Variants in ZMIZ1 observed in about 807,000 individuals in gnomAD.
The protein encoded by ZMIZ1 is zinc finger MIZ-type containing 1.
ZMIZ1 carries 17 observed loss-of-function variants against 113.9 expected under a neutral mutation model. The ratio of observed to expected loss-of-function variants is 0.15; its 90% CI spans 0.10 to 0.22. The LOEUF (loss-of-function observed/expected upper bound fraction) is 0.22. Among genes scored for constraint, ZMIZ1 ranks in the 10% least tolerant of loss-of-function variants. The pLI, the probability that ZMIZ1 is intolerant of heterozygous loss-of-function variation, is 1.00. For missense variants in ZMIZ1, 1,059 were observed against 1,477.8 expected, an observed-to-expected ratio of 0.72 and a Z score of 4.65; for synonymous variants, 607 against 603.1, an observed-to-expected ratio of 1.01 and a Z score of -0.09.
At chr10:79,085,093 TCCTGTGGTGGCCCCAGAGGCTGCCTGCTG>T (rs979836012) in intron 1 of ZMIZ1, among the ~76,000 whole-genome samples, 7 of 152,094 alleles carry the variant, frequency 4.6e-5, no homozygotes, top group Non-Finnish European at 1.0e-4. Context: ...GGGCCACAGG[TCCTGTGGTGGCCCCAGAGGCTGCCTGCTG>T]CCTGTGGTGG....
chr10:79,273,666 T>A (rs956668063), intron 7 of ZMIZ1, among the ~76,000 whole-genome samples: 1 of 152,258 alleles, frequency 6.6e-6, no homozygotes, highest in South Asian at 2.1e-4. Flanking sequence ...CCCCTGCTTC[T>A]TGGTTTCTGA....
intron 3 of ZMIZ1, among the ~76,000 whole-genome samples, chr10:79,147,261 C>T (rs1037304252): frequency 6.6e-6 from 1 of 152,168 alleles, no homozygotes; most frequent in African/African-American, 2.4e-5. Context: ...GACCTCCCTG[C>T]CCCAACCCAT....
chr10:79,271,750 A>G (rs751036779), intron 7 of ZMIZ1, among the ~76,000 whole-genome samples: 2 of 152,214 alleles, frequency 1.3e-5, no homozygotes, highest in African/African-American at 4.8e-5. Context: ...TGCAAGTTCT[A>G]TAAGGAAAGA....
intron 1 of ZMIZ1, among the ~76,000 whole-genome samples, chr10:79,093,541 G>A (rs887479755): frequency 2.0e-5 from 3 of 152,170 alleles, no homozygotes; most frequent in African/African-American, 7.2e-5. Context: ...TGGCCAGGCT[G>A]GTCTTGAACT....
At chr10:79,076,808 G>A (rs1181754113) in intron 1 of ZMIZ1, among the ~76,000 whole-genome samples, 1 of 152,144 alleles carries the variant, frequency 6.6e-6, no homozygotes, top group Non-Finnish European at 1.5e-5. Context: ...CTGCACTCCA[G>A]CCTGGATGAC....
intron 7 of ZMIZ1, among the ~76,000 whole-genome samples, chr10:79,253,890 AC>A (rs1251102211): frequency 1.3e-5 from 2 of 152,160 alleles, no homozygotes; most frequent in Non-Finnish European, 2.9e-5. Flanking sequence ...ACACACACAC[AC>A]ATGCTGACAC....
At chr10:79,149,606 G>T (rs535571611) in intron 3 of ZMIZ1, among the ~76,000 whole-genome samples, 1 of 152,316 alleles carries the variant, frequency 6.6e-6, no homozygotes, top group Admixed American at 6.5e-5. Context: ...AAGTCAGGGT[G>T]GGGTGAAGGG....
At chr10:79,199,424 T>C (rs1336441978) in intron 4 of ZMIZ1, among the ~76,000 whole-genome samples, 2 of 151,968 alleles carry the variant, frequency 1.3e-5, no homozygotes, top group Non-Finnish European at 2.9e-5. Flanking sequence ...GAGAATCGCT[T>C]GAACCTGGGA....
chr10:79,122,179 C>T (rs1037714776), intron 2 of ZMIZ1, among the ~76,000 whole-genome samples: 5 of 152,100 alleles, frequency 3.3e-5, no homozygotes, highest in African/African-American at 1.2e-4. Context: ...ACTTACCAGG[C>T]CCACGACCTT....
At chr10:79,201,443 G>C (rs975931664) in intron 4 of ZMIZ1, 141 bp from the exon 5 acceptor site, 1 of 649,776 alleles carries the variant, frequency 1.5e-6, no homozygotes, top group Admixed American at 2.6e-5. Flanking sequence ...CAGCCCAGTG[G>C]GGTACCCCAG....
rs1043835287 is a variant in ZMIZ1 at position 79,097,771 on chromosome 10, G to A, written c.-336-21144G>A. 2.0e-5 allele frequency among the ~76,000 whole-genome samples: 3 copies of A among 152,110 alleles called. No homozygotes were observed. In the East Asian group the frequency reaches 5.8e-4, roughly 29 times the overall value. On this transcript the variant is annotated intron_variant, in intron 1 of 24. Transcript: ENST00000334512. ...TCAATTTCTGTCACTTTGGGCTTTTGTGCTCACAGCATATGTGGTCTTCAT... is the reference window on the plus strand; with the variant it reads ...TCAATTTCTGTCACTTTGGGCTTTTATGCTCACAGCATATGTGGTCTTCAT...
rs148488488 is a variant in ZMIZ1 at position 79,152,972 on chromosome 10, C to A, written c.-130-9081C>A. ...CACCATGGGGGTCCAGCCTTTTAGG[C>A]CTTTCCAGGGCCCCAGAGGATGGGT... is the stretch of plus-strand genomic sequence containing the variant. On this transcript the variant is annotated intron_variant, in intron 3 of 24. Transcript: ENST00000334512. 4.1e-3 allele frequency among the ~76,000 whole-genome samples: 630 copies of A among 152,362 alleles called. 8 individuals carry two copies. Among genetic ancestry groups the A allele is most frequent in the African/African-American group, 0.015 (605 of 41,580 alleles).
chr10:79,183,482 T>C (rs4979847), intron 4 of ZMIZ1, among the ~76,000 whole-genome samples: 44,777 of 151,936 alleles, frequency 0.29, 9,647 homozygotes, highest in African/African-American at 0.61. Context: ...CTTGGGCCCC[T>C]AAACTGCTGC....
chr10:79,202,013 C>G (rs565062349), intron 5 of ZMIZ1, among the ~76,000 whole-genome samples: 4 of 149,512 alleles, frequency 2.7e-5, no homozygotes, highest in Admixed American at 2.7e-4. Context: ...CACCACCTCC[C>G]TCCCTAGAAC....
intron 24 of ZMIZ1, among the ~76,000 whole-genome samples, chr10:79,312,388 T>C (rs1855236527): frequency 6.6e-6 from 1 of 152,276 alleles, no homozygotes; most frequent in Non-Finnish European, 1.5e-5. Flanking sequence ...TGCTCAGGCC[T>C]CAGCTGGTGG....
rs762760480 is a variant in ZMIZ1 at position 79,293,397 on chromosome 10, C to T, written c.974C>T (p.Ala325Val). ...NQYGPMGPTQAYNSQFMNQPG... is the reference protein window; with the variant it reads ...NQYGPMGPTQVYNSQFMNQPG... ...TCTTTCCAGATGGGTCCCACCCAGG[C>T]GTATAACAGCCAATTCATGAACCAG... The change falls in exon 12 of 25, where the codon GCG (alanine) becomes GTG (valine). Residue 325 changes from alanine (A) to valine (V), a missense_variant. Transcript: ENST00000334512. 2.6e-6 allele frequency: 4 copies of T among 1,516,968 alleles called. No individual in the cohort carries two copies. Among genetic ancestry groups the T allele is most frequent in the South Asian group, 1.3e-5 (1 of 75,670 alleles). 94.0% of individuals were successfully genotyped at this position (1,516,968 alleles called of 1,614,324 possible).
At chr10:79,097,903 C>A (rs1843225717) in intron 1 of ZMIZ1, among the ~76,000 whole-genome samples, 1 of 152,182 alleles carries the variant, frequency 6.6e-6, no homozygotes, top group African/African-American at 2.4e-5. Flanking sequence ...CCCTTCTGTG[C>A]AGCTTCATTA....
At chr10:79,093,824 C>T (rs1197199025) in intron 1 of ZMIZ1, among the ~76,000 whole-genome samples, 2 of 152,226 alleles carry the variant, frequency 1.3e-5, no homozygotes, top group African/African-American at 2.4e-5. Flanking sequence ...CGCAAGCACT[C>T]TGCAGACAGA....
chr10:79,162,723 C>A (rs1472854580), intron 4 of ZMIZ1, among the ~76,000 whole-genome samples: 2 of 152,058 alleles, frequency 1.3e-5, no homozygotes, highest in Non-Finnish European at 2.9e-5. Flanking sequence ...TGGCACACAG[C>A]AAGGACTAGG....
Sources: allele counts gnomAD v4.1 joint callset (sites outside exome capture counted in the v4.1 genomes callset), GRCh38; gene constraint gnomAD v4.1.1; transcripts MANE v1.5; gene names NCBI Gene and HGNC (gene_info 2026-07-23, HGNC 2026-07-21).